Variants in MSI2 observed in about 807,000 individuals in gnomAD.
The protein encoded by MSI2 is musashi RNA binding protein 2.
Under a neutral mutation model 45.6 loss-of-function variants are expected in MSI2, and 17 were observed. The ratio of observed to expected loss-of-function variants is 0.37; its 90% CI spans 0.26 to 0.56. The LOEUF is 0.56. Among genes scored for constraint, MSI2 ranks in the 20% least tolerant of loss-of-function variants. The pLI, the probability that MSI2 is intolerant of heterozygous loss-of-function variation, is 0.77. For synonymous variants in MSI2, 156 were observed against 158.2 expected (o/e 0.99, Z 0.11); for missense variants, 293 against 444.2 (o/e 0.66, Z 3.06).
At chr17:57,488,639 A>G (rs1053018364) in intron 6 of MSI2, among the ~76,000 whole-genome samples, 3 of 152,158 alleles carry the variant, frequency 2.0e-5, no homozygotes, top group Middle Eastern at 3.2e-3. Context: ...CCTGGCTAAT[A>G]TGGTGAAACC....
In MSI2 at chr17:57,428,932, C is replaced by T. The variant is rs185699879; in HGVS notation, c.405+27461C>T. 2.6e-5 allele frequency among the ~76,000 whole-genome samples: 4 copies of T among 152,296 alleles called. No homozygotes were observed. The East Asian group carries it at 7.7e-4, about 29-fold the overall frequency. On this transcript the variant is annotated intron_variant, in intron 6 of 13. Coordinates refer to ENST00000284073, the MANE Select transcript of MSI2 (RefSeq NM_138962.4). The stretch of plus-strand genomic sequence containing the variant: ...CCAGCATATATTTATGATCAGTATA[C>T]ATTTGTGATGCATTCTATGGGCCAG...
intron 7 of MSI2, among the ~76,000 whole-genome samples, chr17:57,591,891 G>A (rs1335407461): frequency 6.6e-6 from 1 of 151,894 alleles, no homozygotes; most frequent in Non-Finnish European, 1.5e-5. Flanking sequence ...ATTAAAAATG[G>A]CTACAATGGC....
intron 10 of MSI2, among the ~76,000 whole-genome samples, chr17:57,634,304 A>G (rs1909662078): frequency 6.6e-6 from 1 of 152,092 alleles, no homozygotes; most frequent in Non-Finnish European, 1.5e-5. Context: ...CATCTCTACT[A>G]AAAATACAAA....
chr17:57,406,251 G>A (rs2143142329), intron 6 of MSI2, among the ~76,000 whole-genome samples: 1 of 152,064 alleles, frequency 6.6e-6, no homozygotes, highest in South Asian at 2.1e-4. Flanking sequence ...CCCTGGCGAC[G>A]AGGCGGCCTG....
chr17:57,567,589 G>A (rs992693053), intron 7 of MSI2, among the ~76,000 whole-genome samples: 2 of 152,200 alleles, frequency 1.3e-5, no homozygotes, highest in Admixed American at 6.5e-5. Flanking sequence ...GCAGTTAACC[G>A]GCGACTGCCA....
chr17:57,262,455 T>A, intron 5 of MSI2: 1 of 406,980 alleles, frequency 2.5e-6, no homozygotes, highest in East Asian at 3.7e-5. Flanking sequence ...GACTGCAGTA[T>A]TTTTTGCAAG....
At chr17:57,691,398 A>G in the MSI2 span, among the ~76,000 whole-genome samples, 1 of 152,144 alleles carries the variant, frequency 6.6e-6, no homozygotes, top group South Asian at 2.1e-4. Context: ...TGATTTTTAC[A>G]AGATAATGTG....
chr17:57,507,222 TC>T (rs2143913023), intron 6 of MSI2, among the ~76,000 whole-genome samples: 2 of 20,556 alleles, frequency 9.7e-5, no homozygotes, highest in South Asian at 3.5e-3. Context: ...TGTCTTTGTC[TC>T]TCTGTGTGTG....
chr17:57,566,747 C>G (rs577040944), intron 7 of MSI2, among the ~76,000 whole-genome samples: 2 of 152,128 alleles, frequency 1.3e-5, no homozygotes, highest in Middle Eastern at 3.2e-3. Context: ...TGGGCTTGCC[C>G]GAGAGACTGC....
intron 6 of MSI2, among the ~76,000 whole-genome samples, chr17:57,410,150 G>C (rs1174247764): frequency 6.6e-6 from 1 of 151,798 alleles, no homozygotes. Flanking sequence ...CTGTGACTAA[G>C]GGGGTTTCTA....
At chr17:57,495,120 C>T (rs1040638979) in intron 6 of MSI2, among the ~76,000 whole-genome samples, 2 of 152,080 alleles carry the variant, frequency 1.3e-5, no homozygotes, top group East Asian at 1.9e-4. Flanking sequence ...TCTGAACTGA[C>T]GCTCTCTCTT....
intron 6 of MSI2, among the ~76,000 whole-genome samples, chr17:57,498,630 G>T (rs192299985): frequency 5.4e-4 from 83 of 152,328 alleles, no homozygotes; most frequent in African/African-American, 1.9e-3. Context: ...TTCCTGTGCC[G>T]CGCGGGGAGC....
intron 6 of MSI2, among the ~76,000 whole-genome samples, chr17:57,495,925 G>T (rs1337393188): frequency 6.6e-6 from 1 of 152,168 alleles, no homozygotes; most frequent in African/African-American, 2.4e-5. Flanking sequence ...TTGAAGCTTG[G>T]ATTAACATGA....
At chr17:57,674,534 T>C (rs1220943681) in intron 11 of MSI2, among the ~76,000 whole-genome samples, 1 of 152,010 alleles carries the variant, frequency 6.6e-6, no homozygotes, top group Non-Finnish European at 1.5e-5. Flanking sequence ...TTGCATGGGA[T>C]GTGAATGCTG....
intron 6 of MSI2, among the ~76,000 whole-genome samples, chr17:57,429,139 C>G (rs1348260893): frequency 6.6e-6 from 1 of 152,102 alleles, no homozygotes; most frequent in Non-Finnish European, 1.5e-5. Context: ...CAGTCTAACC[C>G]CTGCAGATCT....
chr17:57,553,438 G>A (rs1375204556), intron 7 of MSI2, among the ~76,000 whole-genome samples: 1 of 152,174 alleles, frequency 6.6e-6, no homozygotes. Flanking sequence ...GGTGGGAGGG[G>A]GATTGGGACA....
At chr17:57,477,366 A>C (rs1598313552) in intron 6 of MSI2, among the ~76,000 whole-genome samples, 1 of 152,146 alleles carries the variant, frequency 6.6e-6, no homozygotes, top group Non-Finnish European at 1.5e-5. Context: ...ACTGCCAATG[A>C]GCCTGGCTGC....
intron 7 of MSI2, among the ~76,000 whole-genome samples, chr17:57,584,832 C>CT (rs1751622827): frequency 6.7e-6 from 1 of 149,492 alleles, no homozygotes; most frequent in Non-Finnish European, 1.5e-5. Context: ...ACCTTAGGGT[C>CT]TTTTTTTGAG....
chr17:57,262,228 C>T, intron 5 of MSI2, 36 bp downstream of exon 5: 1 of 1,608,726 alleles, frequency 6.2e-7, no homozygotes, highest in Non-Finnish European at 8.5e-7. Context: ...TTTTAGCACT[C>T]AGAGATGATT....
Sources: gnomAD v4.1 joint callset for allele counts (sites outside exome capture counted in the v4.1 genomes callset) on GRCh38, gnomAD v4.1.1 for gene constraint, MANE v1.5 for transcripts, NCBI Gene and HGNC (gene_info 2026-07-23, HGNC 2026-07-21) for gene names.